KLHL17: variants seen among roughly 807,000 people sequenced by gnomAD.
KLHL17 encodes the protein kelch like family member 17, also known as kelch-like protein 17.
A neutral mutation model predicts 64.6 loss-of-function variants in KLHL17; 71 were observed. That is an observed-to-expected ratio of 1.10 (90% CI 0.91 to 1.34). The LOEUF is 1.34. Ranked by LOEUF, KLHL17 falls within the 40% of genes most tolerant of loss-of-function variation. The pLI is 0.00. For synonymous variants in KLHL17, 612 were observed against 405.4 expected (o/e 1.51, Z -6.12); for missense variants, 1,140 against 935.0 (o/e 1.22, Z -2.86).
At position 964,328 on chromosome 1, in the gene KLHL17, AGCCCACGCCCTC is replaced by A; in HGVS notation, c.1519-16_1519-5del. 1 of 1,547,546 alleles carries A rather than the reference AGCCCACGCCCTC, an allele frequency of 6.5e-7. No homozygotes were observed. The highest frequency in any genetic ancestry group is 1.4e-5 in the African/African-American group (1 of 72,964). On this transcript the variant is annotated splice_polypyrimidine_tract_variant and intron_variant, in intron 10 of 11. Transcript: ENST00000338591. ...GGATGCCAGTGGCGGGTCTGCGTCC[AGCCCACGCCCTC>A]GCCCCCAGGTGAACGTGTGGTCGCC...
At chr1:962,132 G>C in intron 4 of KLHL17, 85 bp downstream of exon 4, 1 of 1,309,398 alleles carries the variant, frequency 7.6e-7, no homozygotes, top group Middle Eastern at 1.9e-4. Flanking sequence ...TTTTGTTCCT[G>C]ACACAGCCCT....
chr1:960,895 CG>C, intron 1 of KLHL17, 95 bp downstream of exon 1: 1 of 861,552 alleles, frequency 1.2e-6, no homozygotes, highest in Non-Finnish European at 1.4e-6. Flanking sequence ...GGGCCGCTTC[CG>C]AGGGCCGGGG....
rs1308922902 is a variant in KLHL17 at position 962,708 on chromosome 1, T to C, written c.833T>C (p.Met278Thr). Residue 278 changes from methionine (M) to threonine (T), a missense_variant, in exon 6 of 12, where the codon ATG becomes ACG. Coordinates refer to ENST00000338591, the MANE Select transcript of KLHL17 (RefSeq NM_198317.3). ...TTGGCGTTCCCTGCACCCCAGCTCA[T>C]GAAGTGTGTGCGGCTGCCCTTGCTG... ...DARRQHVPRL[M>T]KCVRLPLLSR... 1.9e-6 allele frequency: 3 copies of C among 1,596,408 alleles called. No individual in the cohort carries two copies. Among genetic ancestry groups the C allele is most frequent in the East Asian group, 2.2e-5 (1 of 44,828 alleles).
At position 963,520 on chromosome 1, in the gene KLHL17, G is replaced by A. The variant is rs369692068; in HGVS notation, c.1355+16G>A. 3 of 1,597,506 alleles carry A rather than the reference G, an allele frequency of 1.9e-6. 1 individual carries two copies. Among genetic ancestry groups the A allele is most frequent in the Admixed American group, 3.4e-5 (2 of 58,834 alleles). Reference sequence around the variant, plus strand: ...GCCTGAACAGGTAGTTGGGGTTGGGGCCCCAGTGGCTTTGTACAGTCCATC... The same window carrying A: ...GCCTGAACAGGTAGTTGGGGTTGGGACCCCAGTGGCTTTGTACAGTCCATC... On this transcript the variant is annotated intron_variant, in intron 8 of 11. Coordinates refer to ENST00000338591, the MANE Select transcript of KLHL17 (RefSeq NM_198317.3).
At chr1:962,092 C>T (rs752767694) in intron 4 of KLHL17, 45 bp downstream of exon 4, 13 of 1,517,338 alleles carry the variant, frequency 8.6e-6, no homozygotes, top group African/African-American at 1.4e-5. Flanking sequence ...CCCACCCCAC[C>T]CCAGTCTTTG....
chr1:963,018 GCCC>G, intron 6 of KLHL17, 88 bp from the exon 7 acceptor site: 1 of 1,542,276 alleles, frequency 6.5e-7, no homozygotes, highest in Non-Finnish European at 8.8e-7. Context: ...CTGCCCCTCC[GCCC>G]CTCCATTCAG....
Position 964,495 on chromosome 1 carries a change from A to G in KLHL17, c.1665A>G (p.Gly555=). The G allele has an allele frequency of 6.6e-7, 1 of 1,524,696 alleles. No homozygotes were observed. The highest frequency in any genetic ancestry group is 1.7e-4 in the Middle Eastern group (1 of 5,894). 94.4% of individuals were successfully genotyped at this position (1,524,696 alleles called of 1,614,324 possible). A position where few individuals can be genotyped will look rare whatever the true frequency, so the allele number is the denominator to read the frequency against. The change falls in exon 11 of 12, where the codon GGA becomes GGG. Residue 555 remains glycine, a synonymous_variant. Transcript: ENST00000338591. ...NSVERYSPKA[G]AWESVAPMNI... ...TAGAGAGATACAGTCCAAAGGCTGG[A>G]GCCTGGGAAAGCGTGGCGCCCATGA...
intron 1 of KLHL17, 89 bp from the exon 2 acceptor site, chr1:961,204 G>T (rs945755836): frequency 9.9e-7 from 1 of 1,010,918 alleles, no homozygotes; most frequent in Non-Finnish European, 1.2e-6. Context: ...CAGGGGCTGG[G>T]TCCCCGCGGG....
chr1:960,855 C>A, intron 1 of KLHL17, 55 bp downstream of exon 1: 2 of 973,560 alleles, frequency 2.1e-6, no homozygotes, highest in Non-Finnish European at 2.4e-6. Context: ...GCGCGGCCCC[C>A]GCCCTCGCGT....
intron 1 of KLHL17, 84 bp downstream of exon 1, chr1:960,884 G>A (rs1159431262): frequency 5.3e-6 from 5 of 939,864 alleles, no homozygotes; most frequent in Non-Finnish European, 6.3e-6. Flanking sequence ...AGAAGGGGCG[G>A]GGGCCGCTTC....
Position 964,200 on chromosome 1 carries a change from T to C in KLHL17, c.1518+20T>C. The C allele has an allele frequency of 6.2e-7, 1 of 1,612,122 alleles. No individual in the cohort carries two copies. The highest frequency in any genetic ancestry group is 8.5e-7 in the Non-Finnish European group (1 of 1,179,494). ...CCCCAGGTGCATAGTGCACCCCTCC[T>C]GGCCACCCCCTCCCGTGCGCCGCGG... On this transcript the variant is annotated intron_variant, in intron 10 of 11. Transcript: ENST00000338591.
In KLHL17 at chr1:963,495, G is replaced by C; in HGVS notation, c.1346G>C (p.Cys449Ser). The change falls in exon 8 of 12, where the codon TGC (cysteine) becomes TCC (serine). Residue 449 changes from cysteine (C) to serine (S), a missense_variant. Physicochemically the swap from Cys to Ser is moderately radical, Grantham distance 112. Transcript: ENST00000338591. ...YSAGGYDGAS[C>S]LNSAERYDPL... Reference sequence around the variant, plus strand: ...GCCGGCGGCTATGACGGGGCCTCCTGCCTGAACAGGTAGTTGGGGTTGGGG... The same window carrying C: ...GCCGGCGGCTATGACGGGGCCTCCTCCCTGAACAGGTAGTTGGGGTTGGGG... 6.2e-7 allele frequency: 1 copy of C among 1,607,574 alleles called. No individual in the cohort carries two copies. Among genetic ancestry groups the C allele is most frequent in the South Asian group, 1.1e-5 (1 of 90,736 alleles).
chr1:965,071 G>T lies in KLHL17; in HGVS notation c.1809G>T (p.Lys603Asn). The change falls in exon 12 of 12, where the codon AAG (lysine) becomes AAT (asparagine). Residue 603 changes from lysine to asparagine, a missense_variant. By Grantham distance (94) the Lys-to-Asn change is moderately conservative (BLOSUM62 0). Transcript: ENST00000338591. ...SIEKYNPRTN[K>N]WVAASCMFTR... Reference sequence around the variant, plus strand: ...AGAAGTACAACCCGAGGACCAACAAGTGGGTGGCCGCATCCTGCATGTTCA... The same window carrying T: ...AGAAGTACAACCCGAGGACCAACAATTGGGTGGCCGCATCCTGCATGTTCA... The T allele has an allele frequency of 6.2e-7, 1 of 1,612,670 alleles. No individual in the cohort carries two copies.
intron 8 of KLHL17, 139 bp from the exon 9 acceptor site, chr1:963,781 G>C (rs564228741): frequency 8.7e-6 from 9 of 1,033,604 alleles, no homozygotes; most frequent in Admixed American, 1.8e-5. Flanking sequence ...CCACCAGCGG[G>C]CCCTGCCTGG....
In KLHL17 at chr1:964,579, G is replaced by GC. The variant is rs748823470; in HGVS notation, c.1700+49_1700+50insC. The GC allele has an allele frequency of 6.2e-5, 87 of 1,405,610 alleles. 2 individuals are homozygous for GC. In the African/African-American group the frequency reaches 1.1e-3, roughly 18 times the overall value. The allele number at this position is 1,405,610 out of a possible 1,614,324, so 87.1% of individuals were successfully genotyped here. On this transcript the variant is annotated intron_variant, in intron 11 of 11. Transcript: ENST00000338591. ...GGGGGCGCGGGTCCGCAGTGGGGCTGTGGGAGGGGTCCGCGCGTCCGCAGT... is the reference window on the plus strand; with the variant it reads ...GGGGGCGCGGGTCCGCAGTGGGGCTGCTGGGAGGGGTCCGCGCGTCCGCAGT...
At position 964,496 on chromosome 1, in the gene KLHL17, G is replaced by A. The variant is rs1383219481; in HGVS notation, c.1666G>A (p.Ala556Thr). The part of the protein sequence containing the change: ...SVERYSPKAG[A>T]WESVAPMNIR... ...AGAGAGATACAGTCCAAAGGCTGGA[G>A]CCTGGGAAAGCGTGGCGCCCATGAA... Residue 556 changes from alanine (A) to threonine (T), a missense_variant, in exon 11 of 12, where the codon GCC (alanine) becomes ACC (threonine). Coordinates refer to ENST00000338591, the MANE Select transcript of KLHL17 (RefSeq NM_198317.3). The A allele has an allele frequency of 2.6e-6, 4 of 1,527,834 alleles. No individual in the cohort carries two copies. Among genetic ancestry groups the A allele is most frequent in the African/African-American group, 1.4e-5 (1 of 69,744 alleles). 94.6% of individuals were successfully genotyped at this position (1,527,834 alleles called of 1,614,324 possible). A position where few individuals can be genotyped will look rare whatever the true frequency, so the allele number is the denominator to read the frequency against.
At chr1:962,101 T>C (rs1557630430) in intron 4 of KLHL17, 54 bp downstream of exon 4, 2 of 1,386,694 alleles carry the variant, frequency 1.4e-6, no homozygotes, top group Middle Eastern at 1.8e-4. Flanking sequence ...CCCCAGTCTT[T>C]GTCTTTGACT....
Position 960,632 on chromosome 1 carries a change from C to T in KLHL17, c.-62C>T. The T allele has an allele frequency of 2.4e-6, 3 of 1,272,458 alleles. No individual in the cohort carries two copies. The highest frequency in any genetic ancestry group is 2.4e-4 in the Middle Eastern group (1 of 4,114). The allele number at this position is 1,272,458 out of a possible 1,614,324, so 78.8% of individuals were successfully genotyped here. Reference sequence around the variant, plus strand: ...CCGCCACCGCCGAGCAGCCCTCCGGCAGTCTCCGCGTCCGTTAAGCCCGCG... The same window carrying T: ...CCGCCACCGCCGAGCAGCCCTCCGGTAGTCTCCGCGTCCGTTAAGCCCGCG... On this transcript the variant is annotated 5_prime_UTR_variant, in exon 1 of 12. Transcript: ENST00000338591.
Position 961,064 on chromosome 1 carries a change from CG to C in KLHL17, c.108-225del, listed in dbSNP as rs1343673250. On this transcript the variant is annotated intron_variant, in intron 1 of 11. Transcript: ENST00000338591. ...GGGCGCCGGGAAGCGGGGCCGGACG[CG>C]GGGCTCTGTTCGCGGCTCTGACTAC... The C allele has an allele frequency of 3.3e-3, 650 of 194,900 alleles. 2 individuals carry two copies. Among genetic ancestry groups the C allele is most frequent in the Non-Finnish European group, 5.4e-3 (581 of 107,960 alleles). 12.1% of individuals were successfully genotyped at this position (194,900 alleles called of 1,614,324 possible).
Sources: gnomAD v4.1 joint callset for allele counts on GRCh38, gnomAD v4.1.1 for gene constraint, MANE v1.5 for transcripts, NCBI Gene and HGNC (gene_info 2026-07-23, HGNC 2026-07-21) for gene names.